SLC25A21: variants seen among roughly 807,000 people sequenced by gnomAD.
SLC25A21 encodes mitochondrial 2-oxodicarboxylate carrier.
A neutral mutation model predicts 43.8 loss-of-function variants in SLC25A21; 47 were observed. The observed-to-expected ratio is 1.07, with a 90% CI of 0.85 to 1.37. The LOEUF (loss-of-function observed/expected upper bound fraction) is 1.37, where lower values mean the gene tolerates loss of function less well. Among genes scored for constraint, SLC25A21 ranks in the 40% most tolerant of loss-of-function variants. The pLI is 0.00. For missense variants in SLC25A21, 352 were observed against 350.2 expected, an observed-to-expected ratio of 1.00 and a Z score of -0.04; for synonymous variants, 131 against 121.3, an observed-to-expected ratio of 1.08 and a Z score of -0.52.
At position 36,764,079 on chromosome 14, in the gene SLC25A21, A is replaced by AGAAAGAAGGAAG. The variant is rs1555326615; in HGVS notation, c.204-29507_204-29506insCTTCCTTCTTTC. Among the ~76,000 whole-genome samples, 11 of 41,868 alleles carry AGAAAGAAGGAAG rather than the reference A, an allele frequency of 2.6e-4. 1 individual carries two copies. In the South Asian group the frequency reaches 2.8e-3, roughly 11 times the overall value. The allele number at this position is 41,868 out of a possible 152,430, so 27.5% of individuals were successfully genotyped here. A position where few individuals can be genotyped will look rare whatever the true frequency, so the allele number is the denominator to read the frequency against. On this transcript the variant is annotated intron_variant, in intron 3 of 9. Transcript: ENST00000331299. The stretch of plus-strand genomic sequence containing the variant: ...AAGAAAGAAAGAAAGAAAGAAAGAA[A>AGAAAGAAGGAAG]GAAGGAAGGAAGGAAGGAAGGAAGG...
chr14:36,894,877 C>G (rs1891191313), intron 1 of SLC25A21, among the ~76,000 whole-genome samples: 1 of 152,036 alleles, frequency 6.6e-6, no homozygotes, highest in African/African-American at 2.4e-5. Flanking sequence ...GCCTTGCATC[C>G]CAGGGATGAA....
rs534743312 is a variant in SLC25A21 at position 37,056,852 on chromosome 14, T to C, written c.70+115429A>G. Among the ~76,000 whole-genome samples the C allele has an allele frequency of 1.7e-4, 26 of 152,330 alleles. No individual in the cohort carries two copies. In the East Asian group the frequency reaches 4.2e-3, roughly 25 times the overall value. ...CCATACAGACTTCCAAAAATCTTTA[T>C]CTGGACATGGTATTGATTTTAACCC... On this transcript the variant is annotated intron_variant, in intron 1 of 9. Coordinates refer to ENST00000331299, the MANE Select transcript of SLC25A21 (RefSeq NM_030631.4).
At chr14:36,704,904 A>G (rs73262628) in intron 7 of SLC25A21, among the ~76,000 whole-genome samples, 24,378 of 152,078 alleles carry the variant, frequency 0.16, 2,714 homozygotes, top group East Asian at 0.3. Flanking sequence ...GGAGTCTATA[A>G]AAATGATTTT....
chr14:36,791,625 A>G (rs2138401218), intron 3 of SLC25A21, among the ~76,000 whole-genome samples: 1 of 152,328 alleles, frequency 6.6e-6, no homozygotes, highest in South Asian at 2.1e-4. Flanking sequence ...TTTATATCAC[A>G]TGTACTGTGC....
At chr14:37,117,689 A>G (rs1407204356) in intron 1 of SLC25A21, among the ~76,000 whole-genome samples, 7 of 152,170 alleles carry the variant, frequency 4.6e-5, no homozygotes, top group Non-Finnish European at 1.0e-4. Context: ...ATACCTCTCT[A>G]TGAAGAACTT....
chr14:36,805,776 T>TA (rs1382756749), intron 3 of SLC25A21, among the ~76,000 whole-genome samples: 1 of 152,164 alleles, frequency 6.6e-6, no homozygotes, highest in Non-Finnish European at 1.5e-5. Flanking sequence ...AATGTTTCTG[T>TA]AAAAAGAGAT....
At chr14:36,854,454 TCTC>T (rs1331756126) in intron 2 of SLC25A21, among the ~76,000 whole-genome samples, 3 of 152,222 alleles carry the variant, frequency 2.0e-5, no homozygotes, top group Non-Finnish European at 4.4e-5. Context: ...ATTCTGGCTC[TCTC>T]CTTTCTCATT....
chr14:36,815,009 G>C (rs1447673750), intron 2 of SLC25A21, among the ~76,000 whole-genome samples: 1 of 152,144 alleles, frequency 6.6e-6, no homozygotes, highest in Non-Finnish European at 1.5e-5. Flanking sequence ...ATGAGTTCAC[G>C]TCCTTTGCAG....
intron 9 of SLC25A21, among the ~76,000 whole-genome samples, chr14:36,681,387 A>G (rs749055465): frequency 2.0e-5 from 3 of 152,228 alleles, no homozygotes; most frequent in Non-Finnish European, 2.9e-5. Flanking sequence ...AAAGAGCTAC[A>G]TAACTGGCTG....
intron 3 of SLC25A21, among the ~76,000 whole-genome samples, chr14:36,789,851 A>ATATATTTATATTTAATATATTTTC (rs1887403575): frequency 8.4e-6 from 1 of 118,682 alleles, no homozygotes; most frequent in Admixed American, 1.1e-4. Flanking sequence ...AATATATTTT[A>ATATATTTATATTTAATATATTTTC]TATATTTATA....
chr14:36,981,825 C>T (rs779107383), intron 1 of SLC25A21, among the ~76,000 whole-genome samples: 5 of 151,906 alleles, frequency 3.3e-5, no homozygotes, highest in Non-Finnish European at 5.9e-5. Flanking sequence ...TACCCTAGAA[C>T]TTAAAGTATA....
intron 1 of SLC25A21, among the ~76,000 whole-genome samples, chr14:36,902,440 AACACACACACAC>A (rs3061763): frequency 6.7e-6 from 1 of 150,044 alleles, no homozygotes; most frequent in Admixed American, 6.6e-5. Flanking sequence ...CGTATAGTAA[AACACACACACAC>A]ACACACACAC....
At chr14:36,949,790 T>C (rs1055015723) in intron 1 of SLC25A21, among the ~76,000 whole-genome samples, 6 of 152,236 alleles carry the variant, frequency 3.9e-5, no homozygotes, top group South Asian at 4.1e-4. Flanking sequence ...AAACAGGAGA[T>C]GCTTTTCTCA....
At chr14:37,126,031 C>A (rs185060231) in intron 1 of SLC25A21, among the ~76,000 whole-genome samples, 1 of 152,278 alleles carries the variant, frequency 6.6e-6, no homozygotes, top group East Asian at 1.9e-4. Context: ...TTTCATCACA[C>A]CTCTTTTTAT....
chr14:37,115,690 C>T (rs1172471895), intron 1 of SLC25A21, among the ~76,000 whole-genome samples: 1 of 152,068 alleles, frequency 6.6e-6, no homozygotes, highest in Non-Finnish European at 1.5e-5. Flanking sequence ...GGAAATGTTC[C>T]TTAAAGAGAG....
intron 1 of SLC25A21, among the ~76,000 whole-genome samples, chr14:37,130,329 G>A (rs922268916): frequency 6.6e-6 from 1 of 152,140 alleles, no homozygotes; most frequent in Non-Finnish European, 1.5e-5. Context: ...CAAGGACTCA[G>A]TATTCATAGT....
intron 1 of SLC25A21, among the ~76,000 whole-genome samples, chr14:36,974,719 A>G (rs1350669172): frequency 1.3e-5 from 2 of 152,190 alleles, no homozygotes; most frequent in East Asian, 1.9e-4. Context: ...CCAAAAAGCT[A>G]TAATATATAT....
At chr14:37,118,230 T>G (rs1963141716) in intron 1 of SLC25A21, among the ~76,000 whole-genome samples, 1 of 152,132 alleles carries the variant, frequency 6.6e-6, no homozygotes, top group African/African-American at 2.4e-5. Context: ...TTGAGATGTC[T>G]TTTCAGGTTT....
intron 1 of SLC25A21, among the ~76,000 whole-genome samples, chr14:37,091,516 C>T (rs1340298634): frequency 6.6e-6 from 1 of 151,616 alleles, no homozygotes; most frequent in Non-Finnish European, 1.5e-5. Flanking sequence ...AACAAAAAAG[C>T]CCCAACACAT....
Sources: gnomAD v4.1 joint callset for allele counts (sites outside exome capture counted in the v4.1 genomes callset) on GRCh38, gnomAD v4.1.1 for gene constraint, MANE v1.5 for transcripts, NCBI Gene and HGNC (gene_info 2026-07-23, HGNC 2026-07-21) for gene names.